ASH1L: variants seen among roughly 807,000 people sequenced by gnomAD.
ASH1L encodes histone-lysine N-methyltransferase ASH1L.
In ASH1L, 23 loss-of-function variants were observed where a neutral mutation model predicts 269.0. That is an observed-to-expected ratio of 0.09 (90% CI 0.06 to 0.12). ASH1L has a LOEUF of 0.12. Among genes scored for constraint, ASH1L ranks in the 10% least tolerant of loss-of-function variants. The pLI is 1.00. For synonymous variants in ASH1L, 1,187 were observed against 1,253.5 expected (o/e 0.95, Z 1.12); for missense variants, 2,912 against 3,567.8 (o/e 0.82, Z 4.68).
intron 5 of ASH1L, among the ~76,000 whole-genome samples, chr1:155,437,804 T>C (rs915673642): frequency 6.6e-6 from 1 of 152,168 alleles, no homozygotes; most frequent in African/African-American, 2.4e-5. Context: ...CTTGATTTCC[T>C]TTGTCTGTAA....
At chr1:155,456,719 G>T (rs1663890308) in intron 4 of ASH1L, among the ~76,000 whole-genome samples, 2 of 152,140 alleles carry the variant, frequency 1.3e-5, no homozygotes, top group South Asian at 4.1e-4. Context: ...ACCTAAATAG[G>T]CCAAAGACAG....
chr1:155,337,271 A>G lies in ASH1L; in HGVS notation c.*389T>C. ...CCTGGCCCTATCCCTTTGGATTTTG[A>G]GTTATACCTGGGTATAGGAAGCAGC... is the stretch of plus-strand genomic sequence containing the variant. On this transcript the variant is annotated 3_prime_UTR_variant, in exon 28 of 28. Coordinates refer to ENST00000392403, the MANE Select transcript of ASH1L (RefSeq NM_018489.3). The G allele has an allele frequency of 6.1e-6, 1 of 164,412 alleles. No homozygotes were observed. Among genetic ancestry groups the G allele is most frequent in the Non-Finnish European group, 1.3e-5 (1 of 75,746 alleles). The allele number at this position is 164,412 out of a possible 1,614,324, so 10.2% of individuals were successfully genotyped here.
intron 3 of ASH1L, among the ~76,000 whole-genome samples, chr1:155,473,924 C>T (rs1444861698): frequency 6.6e-6 from 1 of 152,178 alleles, no homozygotes; most frequent in Non-Finnish European, 1.5e-5. Flanking sequence ...CAACCTCTAC[C>T]TTCCAGGTTC....
At chr1:155,495,026 C>G (rs946760122) in intron 2 of ASH1L, among the ~76,000 whole-genome samples, 4 of 152,032 alleles carry the variant, frequency 2.6e-5, no homozygotes, top group Non-Finnish European at 5.9e-5. Flanking sequence ...GCTGACAAGT[C>G]AAGTAGAAAT....
intron 17 of ASH1L, among the ~76,000 whole-genome samples, chr1:155,352,297 CAAAAAAAAAAAA>C (rs1281473342): frequency 7.1e-5 from 2 of 28,118 alleles, no homozygotes; most frequent in South Asian, 1.3e-3. Context: ...ACCTCCATCT[CAAAAAAAAAAAA>C]AAAAAAAAAA....
At chr1:155,378,150 A>C (rs980471312) in intron 10 of ASH1L, 131 bp downstream of exon 10, 6 of 623,182 alleles carry the variant, frequency 9.6e-6, no homozygotes, top group Non-Finnish European at 1.7e-5. Flanking sequence ...CCGCCCACCC[A>C]TTATGGTTTA....
intron 2 of ASH1L, among the ~76,000 whole-genome samples, chr1:155,494,088 AAAAGGCCAG>A (rs1666990832): frequency 6.6e-6 from 1 of 152,196 alleles, no homozygotes; most frequent in Non-Finnish European, 1.5e-5. Context: ...GGAGGAATTG[AAAAGGCCAG>A]GGATGGAAAG....
rs1163072196 is a variant in ASH1L at position 155,562,463 on chromosome 1, G to A, written c.-410C>T. On this transcript the variant is annotated 5_prime_UTR_variant, in exon 1 of 28. Coordinates refer to ENST00000392403, the MANE Select transcript of ASH1L (RefSeq NM_018489.3). Reference sequence around the variant, plus strand: ...GCGGCGGCAGCAGCAGAGTGGCGGCGGTGGCGGCGGCAGCTCCTCCAGAGG... The same window carrying A: ...GCGGCGGCAGCAGCAGAGTGGCGGCAGTGGCGGCGGCAGCTCCTCCAGAGG... The A allele has an allele frequency of 1.4e-6, 2 of 1,459,468 alleles. No individual in the cohort carries two copies. Among genetic ancestry groups the A allele is most frequent in the African/African-American group, 1.4e-5 (1 of 71,296 alleles). The allele number at this position is 1,459,468 out of a possible 1,614,324, so 90.4% of individuals were successfully genotyped here.
At chr1:155,353,077 A>G (rs1281586947) in intron 16 of ASH1L, among the ~76,000 whole-genome samples, 1 of 152,210 alleles carries the variant, frequency 6.6e-6, no homozygotes, top group South Asian at 2.1e-4. Flanking sequence ...TTAGTGCTCA[A>G]ATGCAATACA....
At chr1:155,555,657 G>A (rs942303419) in intron 1 of ASH1L, among the ~76,000 whole-genome samples, 1 of 152,150 alleles carries the variant, frequency 6.6e-6, no homozygotes, top group Non-Finnish European at 1.5e-5. Context: ...ATTCTGAATA[G>A]CATAGGAACT....
chr1:155,362,202 T>G (rs12753466), intron 12 of ASH1L, among the ~76,000 whole-genome samples: 10,039 of 151,930 alleles, frequency 0.066, 414 homozygotes, highest in Middle Eastern at 0.12. Flanking sequence ...GCCCAGCTAC[T>G]TTTTCATATT....
intron 12 of ASH1L, among the ~76,000 whole-genome samples, chr1:155,369,370 C>A (rs1309595422): frequency 6.6e-6 from 1 of 151,920 alleles, no homozygotes; most frequent in Admixed American, 6.6e-5. Context: ...TGGCATGAAC[C>A]CAGGAGGCAG....
chr1:155,366,524 T>C (rs1434402529), intron 12 of ASH1L, among the ~76,000 whole-genome samples: 1 of 152,200 alleles, frequency 6.6e-6, no homozygotes, highest in Admixed American at 6.5e-5. Context: ...CACTCAACCC[T>C]TGAACATTGT....
At position 155,478,291 on chromosome 1, in the gene ASH1L, G is replaced by C; in HGVS notation, c.4579C>G (p.Arg1527Gly). ...CGGTGCTTTTCCTTATGCTTATATCGCTCTCCAACAGCATCCTTTCCAAAT... is the reference window on the plus strand; with the variant it reads ...CGGTGCTTTTCCTTATGCTTATATCCCTCTCCAACAGCATCCTTTCCAAAT... ...YRFGKDAVGE[R>G]YKHKEKHRCH... The change falls in exon 3 of 28, where the codon CGA becomes GGA. Residue 1527 changes from arginine to glycine, a missense_variant. Arg to Gly is a moderately radical substitution (Grantham distance 125, BLOSUM62 -2). Transcript: ENST00000392403. This position sits in a 1 kb window ranked among gnomAD's most constrained non-coding sequence, Gnocchi z 4.6. 1 of 1,614,066 alleles carries C rather than the reference G, an allele frequency of 6.2e-7. No individual in the cohort carries two copies. The highest frequency in any genetic ancestry group is 8.5e-7 in the Non-Finnish European group (1 of 1,180,024).
intron 4 of ASH1L, among the ~76,000 whole-genome samples, chr1:155,452,856 C>T (rs1017995368): frequency 1.3e-5 from 2 of 152,146 alleles, no homozygotes; most frequent in African/African-American, 4.8e-5. Flanking sequence ...CACGTCTGAC[C>T]AAGATGTAAT....
chr1:155,344,155 C>T (rs774546860), intron 22 of ASH1L, 28 bp downstream of exon 22: 1 of 1,596,294 alleles, frequency 6.3e-7, no homozygotes, highest in Non-Finnish European at 8.6e-7. Flanking sequence ...TCACCTCTGA[C>T]AAGTAGGATT....
chr1:155,414,186 T>C (rs1279134098), intron 6 of ASH1L, among the ~76,000 whole-genome samples: 1 of 152,204 alleles, frequency 6.6e-6, no homozygotes, highest in Non-Finnish European at 1.5e-5. Flanking sequence ...TGAGAGTTTT[T>C]GCCACTAGTA....
At chr1:155,532,384 A>T (rs1228640035) in intron 1 of ASH1L, among the ~76,000 whole-genome samples, 1 of 152,192 alleles carries the variant, frequency 6.6e-6, no homozygotes, top group African/African-American at 2.4e-5. Flanking sequence ...ATCTAACAAT[A>T]TGTTAAAAAC....
At chr1:155,434,263 G>A in intron 5 of ASH1L, 4 of 1,599,766 alleles carry the variant, frequency 2.5e-6, no homozygotes, top group Non-Finnish European at 2.6e-6. Flanking sequence ...TTCAAACTGA[G>A]GTGCCTGCCC....
Sources: allele counts gnomAD v4.1 joint callset (sites outside exome capture counted in the v4.1 genomes callset), GRCh38; gene constraint gnomAD v4.1.1; non-coding constraint Gnocchi (gnomAD v3.1); transcripts MANE v1.5; gene names NCBI Gene and HGNC (gene_info 2026-07-23, HGNC 2026-07-21).